The following TMEM132C variants were observed in gnomAD, a reference collection of about 807,000 sequenced individuals.
TMEM132C encodes the protein transmembrane protein 132C.
A neutral mutation model predicts 61.4 loss-of-function variants in TMEM132C; 29 were observed. The observed-to-expected ratio is 0.47, with a 90% CI of 0.35 to 0.64. The LOEUF is 0.64. Among genes scored for constraint, TMEM132C ranks in the 30% least tolerant of loss-of-function variants. TMEM132C has a pLI of 0.00. For synonymous variants in TMEM132C, 656 were observed against 633.1 expected (o/e 1.04, Z -0.54); for missense variants, 1,408 against 1,476.9 (o/e 0.95, Z 0.76).
At chr12:128,538,751 T>A (rs1385864553) in intron 2 of TMEM132C, among the ~76,000 whole-genome samples, 1 of 152,182 alleles carries the variant, frequency 6.6e-6, no homozygotes, top group Non-Finnish European at 1.5e-5. Context: ...TATCTATAAA[T>A]TTCCCACTAT....
intron 1 of TMEM132C, among the ~76,000 whole-genome samples, chr12:128,317,099 T>C (rs188735532): frequency 6.6e-6 from 1 of 152,324 alleles, no homozygotes; most frequent in Admixed American, 6.5e-5. Context: ...ATGTGGGACT[T>C]TTTGGCTGCT....
chr12:128,458,129 T>G (rs571137456), intron 2 of TMEM132C, among the ~76,000 whole-genome samples: 1 of 151,134 alleles, frequency 6.6e-6, no homozygotes, highest in East Asian at 1.9e-4. Flanking sequence ...GTTAGTAGAT[T>G]GATTATATAT....
chr12:128,569,456 A>G (rs1182561457), intron 3 of TMEM132C, among the ~76,000 whole-genome samples: 1 of 152,236 alleles, frequency 6.6e-6, no homozygotes, highest in Non-Finnish European at 1.5e-5. Context: ...AAATGGTGAA[A>G]AAAGAAAAAG....
chr12:128,563,012 T>C (rs1874577151), intron 3 of TMEM132C, among the ~76,000 whole-genome samples: 1 of 152,196 alleles, frequency 6.6e-6, no homozygotes, highest in South Asian at 2.1e-4. Flanking sequence ...GCCAGGAGCC[T>C]GCTGCCTTCT....
At chr12:128,383,060 A>G (rs1166239368) in intron 1 of TMEM132C, among the ~76,000 whole-genome samples, 1 of 151,536 alleles carries the variant, frequency 6.6e-6, no homozygotes, top group African/African-American at 2.4e-5. Context: ...GAGCATCTGT[A>G]TGTATGTGTA....
intron 2 of TMEM132C, among the ~76,000 whole-genome samples, chr12:128,475,252 T>C (rs1033547221): frequency 2.0e-5 from 3 of 152,012 alleles, no homozygotes; most frequent in African/African-American, 7.2e-5. Context: ...ATTTCTTTTT[T>C]CTCCTATAAA....
chr12:128,366,963 G>A (rs1850026038), intron 1 of TMEM132C, among the ~76,000 whole-genome samples: 1 of 152,200 alleles, frequency 6.6e-6, no homozygotes, highest in Non-Finnish European at 1.5e-5. Flanking sequence ...GGGTGACATG[G>A]GAGTGAGGAC....
At chr12:128,510,260 T>C (rs1198186695) in intron 2 of TMEM132C, among the ~76,000 whole-genome samples, 1 of 152,196 alleles carries the variant, frequency 6.6e-6, no homozygotes, top group Non-Finnish European at 1.5e-5. Context: ...TCTCTTTCTG[T>C]TGGTGGATCC....
At chr12:128,358,493 T>TTGTG (rs58748919) in intron 1 of TMEM132C, among the ~76,000 whole-genome samples, 6,024 of 144,926 alleles carry the variant, frequency 0.042, 260 homozygotes, top group African/African-American at 0.1. Flanking sequence ...ACTTTTAAAA[T>TTGTG]TGTGTGTGTG....
intron 4 of TMEM132C, among the ~76,000 whole-genome samples, chr12:128,666,339 A>G (rs1223417657): frequency 6.6e-6 from 1 of 152,140 alleles, no homozygotes; most frequent in African/African-American, 2.4e-5. Context: ...TCACACACAC[A>G]GGCACACACA....
At chr12:128,328,129 T>A (rs11059648) in intron 1 of TMEM132C, among the ~76,000 whole-genome samples, 1 of 152,090 alleles carries the variant, frequency 6.6e-6, no homozygotes, top group African/African-American at 2.4e-5. Context: ...CTTAGAATTT[T>A]ATTTTGTGTT....
intron 4 of TMEM132C, among the ~76,000 whole-genome samples, chr12:128,667,506 G>A (rs1048945436): frequency 4.6e-5 from 7 of 152,164 alleles, no homozygotes; most frequent in Non-Finnish European, 1.0e-4. Flanking sequence ...GTAACTGCTG[G>A]CTGATGCAAA....
chr12:128,658,778 G>A (rs556523377), intron 4 of TMEM132C, among the ~76,000 whole-genome samples: 1 of 152,324 alleles, frequency 6.6e-6, no homozygotes, highest in African/African-American at 2.4e-5. Context: ...CTCTGGTTTA[G>A]CGCAAGATTC....
At chr12:128,350,347 G>A (rs1873299787) in intron 1 of TMEM132C, among the ~76,000 whole-genome samples, 1 of 152,138 alleles carries the variant, frequency 6.6e-6, no homozygotes, top group Non-Finnish European at 1.5e-5. Context: ...CTGGGAGTGA[G>A]AAGGGCTAGG....
intron 4 of TMEM132C, among the ~76,000 whole-genome samples, chr12:128,665,817 A>C (rs1299269502): frequency 7.1e-6 from 1 of 140,476 alleles, no homozygotes; most frequent in East Asian, 2.1e-4. Flanking sequence ...AGGCACACAC[A>C]CATTCACAGG....
At chr12:128,335,203 T>C (rs769673914) in intron 1 of TMEM132C, among the ~76,000 whole-genome samples, 6 of 152,248 alleles carry the variant, frequency 3.9e-5, no homozygotes, top group Non-Finnish European at 7.3e-5. Flanking sequence ...TGGTGAAAAA[T>C]TAATATGCTT....
chr12:128,695,526 A>G (rs1954753582), intron 6 of TMEM132C, among the ~76,000 whole-genome samples: 1 of 152,214 alleles, frequency 6.6e-6, no homozygotes, highest in Non-Finnish European at 1.5e-5. Context: ...CTGTCTCTAA[A>G]AAGATAATAA....
chr12:128,323,231 G>T (rs1462765955), intron 1 of TMEM132C, among the ~76,000 whole-genome samples: 6 of 152,216 alleles, frequency 3.9e-5, no homozygotes, highest in South Asian at 2.1e-4. Flanking sequence ...TATGGAACCA[G>T]AGCCAAGAAT....
At chr12:128,478,452 T>G (rs964154321) in intron 2 of TMEM132C, among the ~76,000 whole-genome samples, 1 of 152,176 alleles carries the variant, frequency 6.6e-6, no homozygotes, top group African/African-American at 2.4e-5. Context: ...AGGGAGGAAT[T>G]CCTTCCCTGT....
Sources: gnomAD v4.1 joint callset for allele counts (sites outside exome capture counted in the v4.1 genomes callset) on GRCh38, gnomAD v4.1.1 for gene constraint, MANE v1.5 for transcripts, NCBI Gene and HGNC (gene_info 2026-07-23, HGNC 2026-07-21) for gene names.